CACNA2D1: variants seen among roughly 807,000 people sequenced by gnomAD.
The protein encoded by CACNA2D1 is calcium voltage-gated channel auxiliary subunit alpha2delta 1, also known as voltage-dependent calcium channel subunit alpha-2/delta-1.
In CACNA2D1, 53 loss-of-function variants were observed where a neutral mutation model predicts 171.5. The observed-to-expected ratio is 0.31, with a 90% confidence interval of 0.25 to 0.39. CACNA2D1 has a LOEUF of 0.39. Among genes scored for constraint, CACNA2D1 ranks in the 10% least tolerant of loss-of-function variants. The pLI is 1.00. For missense variants in CACNA2D1, 903 were observed against 1,299.8 expected (o/e 0.69, Z 4.69); for synonymous variants, 442 against 443.1 (o/e 1.00, Z 0.03).
intron 3 of CACNA2D1, among the ~76,000 whole-genome samples, chr7:82,252,978 G>A (rs1021104018): frequency 1.1e-4 from 17 of 152,004 alleles, no homozygotes; most frequent in African/African-American, 3.6e-4. Context: ...TAAAACATAC[G>A]AAGGTTCTGT....
intron 1 of CACNA2D1, among the ~76,000 whole-genome samples, chr7:82,352,872 A>G (rs17156202): frequency 0.092 from 13,966 of 152,238 alleles, 807 homozygotes; most frequent in South Asian, 0.18. Flanking sequence ...GACTGAGTCC[A>G]AGCTTGGTTC....
At chr7:82,370,395 A>C (rs555901525) in intron 1 of CACNA2D1, among the ~76,000 whole-genome samples, 9 of 152,168 alleles carry the variant, frequency 5.9e-5, no homozygotes, top group African/African-American at 2.2e-4. Flanking sequence ...AGAACTAGAA[A>C]TTATCAGGAA....
intron 1 of CACNA2D1, among the ~76,000 whole-genome samples, chr7:82,407,423 A>G (rs1192520117): frequency 6.6e-6 from 1 of 152,188 alleles, no homozygotes; most frequent in Non-Finnish European, 1.5e-5. Context: ...TTGAAAGACT[A>G]CTACTGTTAT....
At chr7:82,266,798 T>G (rs1025163517) in intron 3 of CACNA2D1, among the ~76,000 whole-genome samples, 3 of 152,132 alleles carry the variant, frequency 2.0e-5, no homozygotes, top group Non-Finnish European at 2.9e-5. Context: ...ATTACAGGGG[T>G]GAGCCACTGC....
At chr7:82,314,694 A>G (rs1003461235) in intron 3 of CACNA2D1, among the ~76,000 whole-genome samples, 1 of 152,136 alleles carries the variant, frequency 6.6e-6, no homozygotes, top group African/African-American at 2.4e-5. Flanking sequence ...TACCAATTTT[A>G]ATTGTGATTT....
chr7:81,988,815 G>A (rs1797234684), intron 21 of CACNA2D1, among the ~76,000 whole-genome samples: 1 of 152,168 alleles, frequency 6.6e-6, no homozygotes. Context: ...TGATTCAGAA[G>A]TAAATAAAGC....
At chr7:82,309,815 T>G (rs1408822919) in intron 3 of CACNA2D1, among the ~76,000 whole-genome samples, 2 of 152,302 alleles carry the variant, frequency 1.3e-5, no homozygotes, top group Non-Finnish European at 2.9e-5. Context: ...AGGACCCAGA[T>G]AGTCCCTGTT....
rs146616686 is a variant in CACNA2D1 at position 82,001,122 on chromosome 7, G to A, written c.1591-3872C>T. On this transcript the variant is annotated intron_variant, in intron 18 of 38. Coordinates refer to ENST00000356860, the MANE Select transcript of CACNA2D1 (RefSeq NM_000722.4). ...ATAACTGAAGTTTTGTTGCCAAAAG[G>A]AAAAGCTTTCGCAATGAGTTTACCA... 3.0e-4 allele frequency among the ~76,000 whole-genome samples: 45 copies of A among 152,166 alleles called. No individual in the cohort carries two copies. The East Asian group carries it at 8.5e-3, about 29-fold the overall frequency.
At chr7:82,042,021 C>G (rs1804017802) in intron 10 of CACNA2D1, among the ~76,000 whole-genome samples, 1 of 152,118 alleles carries the variant, frequency 6.6e-6, no homozygotes, top group African/African-American at 2.4e-5. Context: ...GACTTTAACA[C>G]AAACTGATTA....
intron 4 of CACNA2D1, among the ~76,000 whole-genome samples, chr7:82,167,728 T>G (rs1795601444): frequency 6.6e-6 from 1 of 151,990 alleles, no homozygotes; most frequent in Non-Finnish European, 1.5e-5. Flanking sequence ...AGGAAATGAG[T>G]TGACAGGACT....
chr7:82,381,677 T>A (rs1823731769), intron 1 of CACNA2D1, among the ~76,000 whole-genome samples: 1 of 148,412 alleles, frequency 6.7e-6, no homozygotes, highest in South Asian at 2.1e-4. Flanking sequence ...CTTTCTCATC[T>A]TAAGCACCAG....
chr7:82,033,126 C>A, intron 11 of CACNA2D1: 2 of 431,110 alleles, frequency 4.6e-6, no homozygotes, highest in Non-Finnish European at 8.4e-6. Context: ...TTCCTTCAGT[C>A]TTTGATCATA....
chr7:82,058,720 A>G (rs907590700), intron 10 of CACNA2D1, among the ~76,000 whole-genome samples: 1 of 152,164 alleles, frequency 6.6e-6, no homozygotes, highest in Non-Finnish European at 1.5e-5. Flanking sequence ...TGAAGTAGAT[A>G]GAGGCCTCAC....
At chr7:82,431,364 A>G (rs987331165) in intron 1 of CACNA2D1, among the ~76,000 whole-genome samples, 2 of 152,204 alleles carry the variant, frequency 1.3e-5, no homozygotes, top group African/African-American at 4.8e-5. Flanking sequence ...ACAGTCCTTC[A>G]AAGTTCCCCA....
At chr7:81,964,031 C>CTTTAGT in intron 34 of CACNA2D1, 25 bp downstream of exon 34, 1 of 1,597,980 alleles carries the variant, frequency 6.3e-7, no homozygotes, top group African/African-American at 1.3e-5. Flanking sequence ...CTTTCATTAC[C>CTTTAGT]AATAAAACTA....
chr7:82,282,291 C>G (rs1009810070), intron 3 of CACNA2D1, among the ~76,000 whole-genome samples: 1 of 152,164 alleles, frequency 6.6e-6, no homozygotes, highest in Non-Finnish European at 1.5e-5. Context: ...GAACCAGATT[C>G]TGTCTCTAAA....
At chr7:82,056,549 T>C (rs1198396996) in intron 10 of CACNA2D1, among the ~76,000 whole-genome samples, 2 of 152,010 alleles carry the variant, frequency 1.3e-5, no homozygotes, top group African/African-American at 4.8e-5. Flanking sequence ...AGCTTGATAG[T>C]AGAGAGAGAG....
intron 20 of CACNA2D1, among the ~76,000 whole-genome samples, chr7:81,991,796 T>C (rs1272214026): frequency 6.6e-6 from 1 of 152,094 alleles, no homozygotes; most frequent in Non-Finnish European, 1.5e-5. Context: ...CTATCTTTTA[T>C]ACATTCTGTC....
chr7:82,134,013 C>CA (rs1250588263), intron 5 of CACNA2D1, among the ~76,000 whole-genome samples: 1 of 151,540 alleles, frequency 6.6e-6, no homozygotes, highest in African/African-American at 2.4e-5. Context: ...GTGGAGCTTG[C>CA]AGTGAACCGA....
Sources: allele counts gnomAD v4.1 joint callset (sites outside exome capture counted in the v4.1 genomes callset), GRCh38; gene constraint gnomAD v4.1.1; transcripts MANE v1.5; gene names NCBI Gene and HGNC (gene_info 2026-07-23, HGNC 2026-07-21).